MYO5B: variants seen among roughly 807,000 people sequenced by gnomAD.
MYO5B encodes myosin VB.
A neutral mutation model predicts 229.3 loss-of-function variants in MYO5B; 143 were observed. The observed-to-expected ratio is 0.62, with a 90% confidence interval of 0.54 to 0.72. The LOEUF is 0.72. Among genes scored for constraint, MYO5B ranks in the 30% least tolerant of loss-of-function variants. MYO5B has a pLI of 0.00. For missense variants in MYO5B, 2,321 were observed against 2,331.0 expected (o/e 1.00, Z 0.09); for synonymous variants, 918 against 885.2 (o/e 1.04, Z -0.66).
chr18:50,089,739 G>A (rs1355906612), intron 1 of MYO5B, among the ~76,000 whole-genome samples: 1 of 152,172 alleles, frequency 6.6e-6, no homozygotes, highest in South Asian at 2.1e-4. Flanking sequence ...AACGTTTCTT[G>A]TAAAGTCCTG....
intron 21 of MYO5B, among the ~76,000 whole-genome samples, chr18:49,895,465 T>C (rs529318643): frequency 6.2e-4 from 94 of 152,348 alleles, no homozygotes; most frequent in Middle Eastern, 3.4e-3. Flanking sequence ...GGTGGCTTTA[T>C]GGCTGGGTGG....
chr18:50,149,735 G>A (rs2032564555), intron 1 of MYO5B, among the ~76,000 whole-genome samples: 1 of 152,072 alleles, frequency 6.6e-6, no homozygotes, highest in Admixed American at 6.5e-5. Context: ...AAAAACCCTA[G>A]AAGAAAACCT....
intron 10 of MYO5B, chr18:49,969,797 G>A (rs1441492473): frequency 2.0e-5 from 3 of 152,212 alleles, no homozygotes; most frequent in Admixed American, 2.0e-4. Context: ...TAAAATCCCA[G>A]GAAATCCTAT....
chr18:50,086,627 A>T (rs1016659211), intron 1 of MYO5B, among the ~76,000 whole-genome samples: 1 of 152,222 alleles, frequency 6.6e-6, no homozygotes, highest in African/African-American at 2.4e-5. Context: ...CGGAGAAATT[A>T]TATAACCCTT....
At chr18:50,072,069 C>T (rs2030969705) in intron 1 of MYO5B, among the ~76,000 whole-genome samples, 1 of 152,196 alleles carries the variant, frequency 6.6e-6, no homozygotes, top group Non-Finnish European at 1.5e-5. Context: ...CCACTAGGCC[C>T]TGTTAATTCT....
chr18:50,029,796 C>T (rs1036985270), intron 4 of MYO5B, among the ~76,000 whole-genome samples: 73 of 152,328 alleles, frequency 4.8e-4, no homozygotes, highest in African/African-American at 1.8e-3. Context: ...CCCCTGGACA[C>T]ATGGCAGGTT....
intron 14 of MYO5B, among the ~76,000 whole-genome samples, chr18:49,943,332 G>A (rs7243065): frequency 0.23 from 35,182 of 151,632 alleles, 5,783 homozygotes; most frequent in African/African-American, 0.47. Context: ...AAACCTGCAC[G>A]TTGTACCCTA....
chr18:49,854,037 G>T (rs1430888424), intron 30 of MYO5B, among the ~76,000 whole-genome samples: 1 of 152,200 alleles, frequency 6.6e-6, no homozygotes, highest in Non-Finnish European at 1.5e-5. Context: ...AAGTTCACAA[G>T]AACCTCCTTC....
At chr18:50,003,840 T>A (rs1326155594) in intron 4 of MYO5B, among the ~76,000 whole-genome samples, 1 of 152,166 alleles carries the variant, frequency 6.6e-6, no homozygotes, top group Non-Finnish European at 1.5e-5. Context: ...GTATATACTA[T>A]CCCAAGTACT....
chr18:49,890,776 AC>A (rs2024703296), intron 22 of MYO5B, among the ~76,000 whole-genome samples: 1 of 152,170 alleles, frequency 6.6e-6, no homozygotes, highest in Admixed American at 6.5e-5. Context: ...TAGGGACAAT[AC>A]CTTTAATTCT....
At chr18:49,922,815 C>T (rs972833303) in intron 17 of MYO5B, among the ~76,000 whole-genome samples, 19 of 152,050 alleles carry the variant, frequency 1.2e-4, no homozygotes, top group African/African-American at 4.3e-4. Flanking sequence ...TAAGTATCTG[C>T]TAGAAAAAAG....
At chr18:50,028,784 C>T (rs892401028) in intron 4 of MYO5B, among the ~76,000 whole-genome samples, 1 of 152,228 alleles carries the variant, frequency 6.6e-6, no homozygotes, top group Non-Finnish European at 1.5e-5. Context: ...CGCAGGCTCT[C>T]TCCTTTCTAA....
intron 14 of MYO5B, among the ~76,000 whole-genome samples, chr18:49,948,173 C>T (rs557826934): frequency 6.6e-5 from 10 of 152,226 alleles, no homozygotes; most frequent in Non-Finnish European, 1.2e-4. Context: ...GAAACAGACA[C>T]ATAAAGTTAA....
At chr18:50,032,953 C>T (rs1024905705) in intron 4 of MYO5B, among the ~76,000 whole-genome samples, 5 of 151,840 alleles carry the variant, frequency 3.3e-5, no homozygotes, top group South Asian at 2.1e-4. Context: ...CACCATTGCA[C>T]TCCAGCCTGG....
In MYO5B at chr18:49,896,715, C is replaced by G. The variant is rs371896010; in HGVS notation, c.2812-1541G>C. ...CCTGCTATTGACAAAGATGGCACCT[C>G]AGGACTCTAATGCGAAGTATGATGT... is the stretch of plus-strand genomic sequence containing the variant. On this transcript the variant is annotated intron_variant, in intron 21 of 39. Coordinates refer to ENST00000285039, the MANE Select transcript of MYO5B (RefSeq NM_001080467.3). 2.2e-4 allele frequency among the ~76,000 whole-genome samples: 34 copies of G among 152,276 alleles called. No homozygotes were observed. The East Asian group carries it at 6.0e-3, about 27-fold the overall frequency.
intron 4 of MYO5B, among the ~76,000 whole-genome samples, chr18:50,002,950 G>A (rs1893981): frequency 0.024 from 3,610 of 152,208 alleles, 46 homozygotes; most frequent in Non-Finnish European, 0.03. Context: ...CTGTCAACAT[G>A]AGTAGGCCAT....
At chr18:49,960,442 G>A (rs1266077649) in intron 12 of MYO5B, among the ~76,000 whole-genome samples, 2 of 152,194 alleles carry the variant, frequency 1.3e-5, no homozygotes, top group African/African-American at 4.8e-5. Context: ...AGAGACATGG[G>A]TGCTTCCAGG....
Position 49,895,051 on chromosome 18 carries a change from G to C in MYO5B, c.2935C>G (p.Leu979Val). ...CTCTCCACCTCCTCCTGCAGCCTGA[G>C]GCTGGTGTCCTCACCTGGGCTCTGC... The part of the protein sequence containing the change: ...YQQSPGEDTS[L>V]RLQEEVESLR... The change falls in exon 22 of 40, where the codon CTC becomes GTC. Residue 979 changes from leucine to valine, a missense_variant. By Grantham distance (32) the Leu-to-Val change is conservative. This residue lies in a region of MYO5B where 2,113 missense variants were observed against 2,044.7 expected (regional missense o/e 1.03). Transcript: ENST00000285039. The C allele has an allele frequency of 1.9e-6, 3 of 1,614,108 alleles. No homozygotes were observed. Among genetic ancestry groups the C allele is most frequent in the African/African-American group, 2.7e-5 (2 of 75,054 alleles).
intron 36 of MYO5B, 144 bp downstream of exon 36, chr18:49,839,000 A>C (rs1454503977): frequency 1.1e-6 from 1 of 951,378 alleles, no homozygotes; most frequent in Non-Finnish European, 1.7e-6. Flanking sequence ...TGCACACCTC[A>C]GTTCTGCCTT....
Sources: allele counts gnomAD v4.1 joint callset (sites outside exome capture counted in the v4.1 genomes callset), GRCh38; gene constraint gnomAD v4.1.1; regional missense constraint gnomAD v4.1.1; transcripts MANE v1.5; gene names NCBI Gene and HGNC (gene_info 2026-07-23, HGNC 2026-07-21).